Variants in STXBP5L observed in about 807,000 individuals in gnomAD.
The protein encoded by STXBP5L is syntaxin binding protein 5L.
Under a neutral mutation model 144.5 loss-of-function variants are expected in STXBP5L, and 65 were observed. That is an observed-to-expected ratio of 0.45 (90% CI 0.37 to 0.55). The LOEUF (loss-of-function observed/expected upper bound fraction) is 0.55. Ranked by LOEUF, STXBP5L falls within the 20% of genes least tolerant of loss-of-function variation. The pLI, the probability that STXBP5L is intolerant of heterozygous loss-of-function variation, is 0.00. For synonymous variants in STXBP5L, 505 were observed against 469.6 expected (o/e 1.08, Z -0.97); for missense variants, 1,298 against 1,405.5 (o/e 0.92, Z 1.22).
At chr3:121,318,581 T>G in intron 20 of STXBP5L, 41 bp downstream of exon 20, 1 of 1,296,016 alleles carries the variant, frequency 7.7e-7, no homozygotes, top group Non-Finnish European at 1.0e-6. Context: ...GGTAATTCAC[T>G]GCAGTAATCT....
intron 3 of STXBP5L, among the ~76,000 whole-genome samples, chr3:121,018,069 G>A (rs960020436): frequency 1.3e-5 from 2 of 151,462 alleles, no homozygotes; most frequent in African/African-American, 4.9e-5. Flanking sequence ...ACAGAGGGAG[G>A]CCCTTTTTCA....
intron 6 of STXBP5L, among the ~76,000 whole-genome samples, chr3:121,117,107 G>A (rs1388028257): frequency 6.6e-6 from 1 of 151,740 alleles, no homozygotes; most frequent in Non-Finnish European, 1.5e-5. Context: ...ATTTTAATGT[G>A]TTTATATAGT....
chr3:121,174,443 T>A (rs1354910922), intron 9 of STXBP5L, among the ~76,000 whole-genome samples: 2 of 152,218 alleles, frequency 1.3e-5, no homozygotes, highest in African/African-American at 2.4e-5. Context: ...TCCAATATAC[T>A]TATAGAAAAA....
chr3:121,194,680 A>G (rs542043016), intron 9 of STXBP5L, among the ~76,000 whole-genome samples: 2 of 152,176 alleles, frequency 1.3e-5, no homozygotes, highest in Non-Finnish European at 2.9e-5. Flanking sequence ...AGAATTCAAC[A>G]GTGAAGCCCT....
At chr3:121,378,671 A>T (rs762666203) in intron 20 of STXBP5L, 45 bp from the exon 21 acceptor site, 4 of 1,584,550 alleles carry the variant, frequency 2.5e-6, no homozygotes, top group Non-Finnish European at 3.4e-6. Context: ...CTTTGTATTA[A>T]GAGTTAATCA....
At chr3:121,105,378 G>A (rs1314730252) in intron 5 of STXBP5L, among the ~76,000 whole-genome samples, 1 of 132,556 alleles carries the variant, frequency 7.5e-6, no homozygotes, top group Non-Finnish European at 1.5e-5. Context: ...CCTGGCAACA[G>A]AGTGAGACTC....
chr3:121,357,961 T>A (rs900940561), intron 20 of STXBP5L: 4 of 152,184 alleles, frequency 2.6e-5, no homozygotes, highest in Non-Finnish European at 4.4e-5. Flanking sequence ...TTTTCTTTTT[T>A]AAAAATCTTT....
intron 11 of STXBP5L, among the ~76,000 whole-genome samples, chr3:121,228,526 G>A (rs1256678842): frequency 6.6e-6 from 1 of 152,186 alleles, no homozygotes; most frequent in Non-Finnish European, 1.5e-5. Flanking sequence ...GAGGATGGTT[G>A]TTAAACACAT....
intron 20 of STXBP5L, among the ~76,000 whole-genome samples, chr3:121,331,418 C>T (rs921415336): frequency 1.3e-5 from 2 of 152,188 alleles, no homozygotes; most frequent in Admixed American, 1.3e-4. Flanking sequence ...TGCTTTTCCA[C>T]AGAAGGAGCA....
chr3:121,417,850 A>G (rs1182034309), intron 25 of STXBP5L, among the ~76,000 whole-genome samples: 2 of 152,178 alleles, frequency 1.3e-5, no homozygotes, highest in African/African-American at 2.4e-5. Context: ...ACCATCATTC[A>G]TATATTCATA....
At position 121,100,588 on chromosome 3, in the gene STXBP5L, CA is replaced by C. The variant is rs1209296092; in HGVS notation, c.471-14333del. Among the ~76,000 whole-genome samples the C allele has an allele frequency of 3.3e-5, 5 of 151,940 alleles. No individual in the cohort carries two copies. The East Asian group carries it at 9.6e-4, about 29-fold the overall frequency. ...ACTTACTAAAATCTCTGGGATGCAA[CA>C]AAAGCAATGTTAAGAGGAAAGTTTA... On this transcript the variant is annotated intron_variant, in intron 5 of 26. Coordinates refer to ENST00000471454, the MANE Select transcript of STXBP5L (RefSeq NM_001308330.2).
chr3:121,060,353 G>A (rs1360910066), intron 5 of STXBP5L, among the ~76,000 whole-genome samples: 3 of 152,146 alleles, frequency 2.0e-5, no homozygotes, highest in African/African-American at 4.8e-5. Context: ...GCTTTTTGAT[G>A]TGCTGCTGGA....
At chr3:121,129,842 A>C (rs1228632792) in intron 7 of STXBP5L, among the ~76,000 whole-genome samples, 1 of 151,990 alleles carries the variant, frequency 6.6e-6, no homozygotes, top group Non-Finnish European at 1.5e-5. Flanking sequence ...GTTTCAGAGG[A>C]TGGGAAGAAA....
chr3:121,303,607 A>G (rs1330768520), intron 19 of STXBP5L, among the ~76,000 whole-genome samples: 3 of 152,234 alleles, frequency 2.0e-5, no homozygotes, highest in East Asian at 1.9e-4. Context: ...TATTCACAAT[A>G]GCAAAGACTT....
At chr3:120,998,869 G>T (rs1026889838) in intron 3 of STXBP5L, among the ~76,000 whole-genome samples, 2 of 152,140 alleles carry the variant, frequency 1.3e-5, no homozygotes, top group Non-Finnish European at 2.9e-5. Flanking sequence ...AGTGAGAGCT[G>T]ACAGAAATGA....
chr3:121,132,460 A>G (rs1186990168), intron 7 of STXBP5L, among the ~76,000 whole-genome samples: 2 of 152,206 alleles, frequency 1.3e-5, no homozygotes, highest in Non-Finnish European at 1.5e-5. Context: ...AGATGCCTGT[A>G]TCTCCATGGG....
At chr3:121,300,712 A>G (rs2051857943) in intron 19 of STXBP5L, among the ~76,000 whole-genome samples, 1 of 152,096 alleles carries the variant, frequency 6.6e-6, no homozygotes, top group East Asian at 1.9e-4. Flanking sequence ...AAGACAGAAA[A>G]GAGTAACAGT....
chr3:121,243,122 G>A (rs1404444269), intron 14 of STXBP5L, among the ~76,000 whole-genome samples: 3 of 152,182 alleles, frequency 2.0e-5, no homozygotes, highest in African/African-American at 7.2e-5. Context: ...AAGAGCGGAA[G>A]ATATACACAA....
At chr3:121,166,489 A>C (rs1020959607) in intron 9 of STXBP5L, among the ~76,000 whole-genome samples, 2 of 152,146 alleles carry the variant, frequency 1.3e-5, no homozygotes, top group African/African-American at 2.4e-5. Context: ...AATTTTGCAG[A>C]TTATAATTTT....
Sources: gnomAD v4.1 joint callset for allele counts (sites outside exome capture counted in the v4.1 genomes callset) on GRCh38, gnomAD v4.1.1 for gene constraint, MANE v1.5 for transcripts, NCBI Gene and HGNC (gene_info 2026-07-23, HGNC 2026-07-21) for gene names.